The following PPM1H variants were observed in gnomAD, a reference collection of about 807,000 sequenced individuals.
PPM1H encodes the protein protein phosphatase 1H.
Under a neutral mutation model 54.9 loss-of-function variants are expected in PPM1H, and 27 were observed. The observed-to-expected ratio is 0.49, with a 90% CI of 0.36 to 0.68. The LOEUF (loss-of-function observed/expected upper bound fraction) is 0.68, where lower values mean the gene tolerates loss of function less well. PPM1H is among the 30% of genes least tolerant of loss of function. The pLI is 0.00. For missense variants in PPM1H, 596 were observed against 667.8 expected (o/e 0.89, Z 1.19); for synonymous variants, 305 against 270.8 (o/e 1.13, Z -1.24).
intron 4 of PPM1H, among the ~76,000 whole-genome samples, chr12:62,780,184 T>A (rs1592595360): frequency 6.6e-6 from 1 of 152,228 alleles, no homozygotes; most frequent in African/African-American, 2.4e-5. Context: ...CTGCAGCCTA[T>A]GATCAGATTA....
intron 6 of PPM1H, among the ~76,000 whole-genome samples, chr12:62,710,967 C>A (rs550790596): frequency 6.6e-6 from 1 of 152,310 alleles, no homozygotes; most frequent in South Asian, 2.1e-4. Flanking sequence ...ACCTTACTAA[C>A]CCATAATATC....
intron 8 of PPM1H, among the ~76,000 whole-genome samples, chr12:62,677,138 G>A (rs1389792254): frequency 1.3e-5 from 2 of 152,148 alleles, no homozygotes; most frequent in South Asian, 2.1e-4. Flanking sequence ...GCACTCATCA[G>A]GATGACCTGC....
At chr12:62,789,017 C>A (rs531614682) in intron 3 of PPM1H, among the ~76,000 whole-genome samples, 4 of 150,840 alleles carry the variant, frequency 2.7e-5, no homozygotes, top group South Asian at 2.1e-4. Context: ...TGAGCCACTG[C>A]GCCCAGCCTT....
At chr12:62,852,043 A>G (rs972338918) in intron 1 of PPM1H, among the ~76,000 whole-genome samples, 1 of 151,872 alleles carries the variant, frequency 6.6e-6, no homozygotes, top group Non-Finnish European at 1.5e-5. Flanking sequence ...AGCCTGACCA[A>G]TATGGTGAAA....
At chr12:62,933,148 G>A (rs912259744) in intron 1 of PPM1H, among the ~76,000 whole-genome samples, 2 of 152,070 alleles carry the variant, frequency 1.3e-5, no homozygotes, top group Non-Finnish European at 2.9e-5. Context: ...TTTACTGTCT[G>A]AGCTCCCATC....
chr12:62,693,871 G>T, intron 7 of PPM1H, 65 bp downstream of exon 7: 1 of 1,433,572 alleles, frequency 7.0e-7, no homozygotes, highest in East Asian at 2.3e-5. Flanking sequence ...ACTGCCACGG[G>T]CTATGTGGAG....
intron 4 of PPM1H, among the ~76,000 whole-genome samples, chr12:62,778,532 A>G (rs1364867379): frequency 2.0e-5 from 3 of 152,222 alleles, no homozygotes; most frequent in Admixed American, 6.5e-5. Context: ...TAAAAATGAC[A>G]GAGCCTCCTT....
At chr12:62,906,486 A>T (rs1227182046) in intron 1 of PPM1H, among the ~76,000 whole-genome samples, 1 of 152,236 alleles carries the variant, frequency 6.6e-6, no homozygotes, top group African/African-American at 2.4e-5. Context: ...ATTAATTTTC[A>T]AAGTTTGATT....
intron 4 of PPM1H, among the ~76,000 whole-genome samples, chr12:62,762,141 T>C (rs1453341416): frequency 6.6e-6 from 1 of 152,232 alleles, no homozygotes; most frequent in Non-Finnish European, 1.5e-5. Context: ...TAACTACGTA[T>C]GGCCCATTTT....
Position 62,801,962 on chromosome 12 carries a change from G to T in PPM1H, c.610C>A (p.Arg204=), listed in dbSNP as rs756709628. The change falls in exon 3 of 10, where the codon CGG becomes AGG. Residue 204 remains arginine, a synonymous_variant. Coordinates refer to ENST00000228705, the MANE Select transcript of PPM1H (RefSeq NM_020700.2). ...AGGGAGGCTGCCCGGGTCAGAGTCC[G>T]GCTGTTGGCGGGCGTGTTCTCAGGC... ...EEPENTPANS[R]TLTRAASLRG... is the part of the protein sequence containing the mutation. 5.6e-6 allele frequency: 9 copies of T among 1,612,594 alleles called. No homozygotes were observed. Among genetic ancestry groups the T allele is most frequent in the Non-Finnish European group, 7.6e-6 (9 of 1,179,172 alleles).
intron 1 of PPM1H, among the ~76,000 whole-genome samples, chr12:62,874,887 TG>T (rs1870106906): frequency 6.6e-6 from 1 of 152,224 alleles, no homozygotes; most frequent in African/African-American, 2.4e-5. Context: ...TGTGTAACAC[TG>T]AACACTCACC....
rs548038394 is a variant in PPM1H, at chr12:62,755,850, C to T, written c.870-18264G>A. 3.3e-4 allele frequency: 259 copies of T among 785,400 alleles called. 1 individual carries two copies. In the African/African-American group the frequency reaches 4.2e-3, roughly 13 times the overall value. The allele number at this position is 785,400 out of a possible 1,614,324, so 48.7% of individuals were successfully genotyped here. Reference sequence around the variant, plus strand: ...CACGGCGCTCTCCAGAACATCATCCCTGCCTCTACTGGTGCTGCTAAGGTT... The same window carrying T: ...CACGGCGCTCTCCAGAACATCATCCTTGCCTCTACTGGTGCTGCTAAGGTT... On this transcript the variant is annotated intron_variant, in intron 4 of 9. Coordinates refer to ENST00000228705, the MANE Select transcript of PPM1H (RefSeq NM_020700.2).
Position 62,844,170 on chromosome 12 carries a change from A to G in PPM1H, c.246-11891T>C, listed in dbSNP as rs1400293013. Among the ~76,000 whole-genome samples the G allele has an allele frequency of 6.6e-6, 1 of 152,234 alleles. No homozygotes were observed. The highest frequency in any genetic ancestry group is 2.4e-5 in the African/African-American group (1 of 41,462). On this transcript the variant is annotated intron_variant, in intron 1 of 9. Transcript: ENST00000228705. This position sits in a 1 kb window ranked among gnomAD's most constrained non-coding sequence, Gnocchi z 5.2. ...TTAAGAACAGCCACCTGGGCAGCAC[A>G]CACTCCAAATGGATGGGGTTGGTGT...
At chr12:62,915,469 C>T (rs1346638575) in intron 1 of PPM1H, among the ~76,000 whole-genome samples, 1 of 152,232 alleles carries the variant, frequency 6.6e-6, no homozygotes. Context: ...ATCAAACCAG[C>T]AAATGAGGGA....
At chr12:62,772,878 G>T (rs1020886393) in intron 4 of PPM1H, among the ~76,000 whole-genome samples, 1 of 152,182 alleles carries the variant, frequency 6.6e-6, no homozygotes, top group African/African-American at 2.4e-5. Flanking sequence ...GGCTGGGTGT[G>T]GTGGCTCATG....
rs749545503 is a variant in PPM1H at position 62,648,369 on chromosome 12, C to A, written c.*120G>T. ...CATAGTCTTTTGGCCATGAACTCCCCGCTTGGGCTGGGAAGAGACTGCATC... is the reference window on the plus strand; with the variant it reads ...CATAGTCTTTTGGCCATGAACTCCCAGCTTGGGCTGGGAAGAGACTGCATC... On this transcript the variant is annotated 3_prime_UTR_variant, in exon 10 of 10. Coordinates refer to ENST00000228705, the MANE Select transcript of PPM1H (RefSeq NM_020700.2). The A allele has an allele frequency of 1.5e-6, 2 of 1,314,254 alleles. No individual in the cohort carries two copies. Among genetic ancestry groups the A allele is most frequent in the East Asian group, 2.3e-5 (1 of 42,866 alleles). The allele number at this position is 1,314,254 out of a possible 1,614,324, so 81.4% of individuals were successfully genotyped here.
At chr12:62,759,025 G>A (rs1222456345) in intron 4 of PPM1H, among the ~76,000 whole-genome samples, 5 of 152,114 alleles carry the variant, frequency 3.3e-5, no homozygotes, top group South Asian at 2.1e-4. Context: ...CCCACTGCCC[G>A]CAAAACATTG....
chr12:62,799,616 C>A (rs627273), intron 3 of PPM1H, among the ~76,000 whole-genome samples: 20,361 of 152,220 alleles, frequency 0.13, 1,889 homozygotes, highest in African/African-American at 0.27. Flanking sequence ...GAGTGGGAGT[C>A]AATTTTCCTA....
intron 1 of PPM1H, among the ~76,000 whole-genome samples, chr12:62,867,223 T>G (rs571009716): frequency 2.0e-5 from 3 of 152,218 alleles, no homozygotes; most frequent in Non-Finnish European, 4.4e-5. Context: ...TCTGTGCTAA[T>G]CTAATGCTAA....
Sources: allele counts gnomAD v4.1 joint callset (sites outside exome capture counted in the v4.1 genomes callset), GRCh38; gene constraint gnomAD v4.1.1; non-coding constraint Gnocchi (gnomAD v3.1); transcripts MANE v1.5; gene names NCBI Gene and HGNC (gene_info 2026-07-23, HGNC 2026-07-21).